BOLL: variants seen among roughly 807,000 people sequenced by gnomAD.
The protein encoded by BOLL is boule RNA binding protein.
BOLL carries 23 observed loss-of-function variants against 44.4 expected under a neutral mutation model. That is an observed-to-expected ratio of 0.52 (90% confidence interval 0.37 to 0.73). The LOEUF is 0.73. Ranked by LOEUF, BOLL falls within the 30% of genes least tolerant of loss-of-function variation. The pLI, the probability that BOLL is intolerant of heterozygous loss-of-function variation, is 0.00. For synonymous variants in BOLL, 97 were observed against 110.8 expected (o/e 0.88, Z 0.78); for missense variants, 287 against 338.3 (o/e 0.85, Z 1.19).
rs913303236 is a variant in BOLL, at chr2:197,777,255, A to T, written c.222-142T>A. 5 of 436,808 alleles carry T rather than the reference A, an allele frequency of 1.1e-5. No homozygotes were observed. In the Admixed American group the frequency reaches 2.1e-4, roughly 18 times the overall value. The allele number at this position is 436,808 out of a possible 1,614,324, so 27.1% of individuals were successfully genotyped here. The stretch of plus-strand genomic sequence containing the variant: ...GTTTCTATGCTGCACTAGCATGGGA[A>T]TCTTAGAAGAATCATTCACAGCCTA... On this transcript the variant is annotated intron_variant, in intron 3 of 10. Coordinates refer to ENST00000392296, the MANE Select transcript of BOLL (RefSeq NM_033030.6).
At chr2:197,759,936 G>T (rs1209215042) in intron 7 of BOLL, among the ~76,000 whole-genome samples, 1 of 152,120 alleles carries the variant, frequency 6.6e-6, no homozygotes, top group Non-Finnish European at 1.5e-5. Flanking sequence ...CAGCTCCGGG[G>T]ACTGCCACTG....
rs1320915517 is a variant in BOLL, at chr2:197,756,489, A to G, written c.668T>C (p.Ile223Thr). The G allele has an allele frequency of 2.5e-6, 4 of 1,612,816 alleles. No homozygotes were observed. Among genetic ancestry groups the G allele is most frequent in the Non-Finnish European group, 2.5e-6 (3 of 1,179,242 alleles). Residue 223 changes from isoleucine (I) to threonine (T), a missense_variant, in exon 9 of 11, where the codon ATT becomes ACT. Physicochemically the swap from Ile to Thr is moderately conservative, Grantham distance 89. Transcript: ENST00000392296. ...AGGAACACATCCACCATCCTGTGCA[A>G]TTTCCACTGGTTGATAAATAACCTC... Reference protein sequence around the residue: ...PSEVIYQPVEIAQDGGCVPPP... With the variant: ...PSEVIYQPVETAQDGGCVPPP...
At chr2:197,761,201 G>A (rs938457310) in intron 7 of BOLL, among the ~76,000 whole-genome samples, 5 of 152,232 alleles carry the variant, frequency 3.3e-5, no homozygotes, top group African/African-American at 1.2e-4. Context: ...TCTCAGCTGT[G>A]TGGCAGGCTA....
In BOLL at chr2:197,727,361, C is replaced by T. The variant is rs546904558; in HGVS notation, c.*1194G>A. The T allele has an allele frequency of 1.2e-3, 190 of 152,372 alleles. 1 individual carries two copies. Among genetic ancestry groups the T allele is most frequent in the Non-Finnish European group, 2.5e-3 (168 of 68,000 alleles). 9.4% of individuals were successfully genotyped at this position (152,372 alleles called of 1,614,324 possible). ...GGTAATACCAACTTTTATGGCTCCC[C>T]CTGCCCCCTCCACCTAAAATTAGGA... is the stretch of plus-strand genomic sequence containing the variant. On this transcript the variant is annotated 3_prime_UTR_variant, in exon 11 of 11. Coordinates refer to ENST00000392296, the MANE Select transcript of BOLL (RefSeq NM_033030.6).
At chr2:197,771,352 T>TG (rs1303343504) in intron 6 of BOLL, among the ~76,000 whole-genome samples, 3 of 67,974 alleles carry the variant, frequency 4.4e-5, no homozygotes, top group African/African-American at 1.2e-4. Context: ...TGTTGTGGGG[T>TG]GGGGGGAGGG....
Position 197,727,110 on chromosome 2 carries a change from T to G in BOLL, c.*1445A>C, listed in dbSNP as rs1686880875. 1.3e-5 allele frequency: 2 copies of G among 152,416 alleles called. No individual in the cohort carries two copies. The highest frequency in any genetic ancestry group is 2.9e-5 in the Non-Finnish European group (2 of 68,048). The allele number at this position is 152,416 out of a possible 1,614,324, so 9.4% of individuals were successfully genotyped here. A position where few individuals can be genotyped will look rare whatever the true frequency, so the allele number is the denominator to read the frequency against. ...TTTACATTCCTAAAACTGAGAATAATTAATGTATTTGAGATCCTTGTATGC... is the reference window on the plus strand; with the variant it reads ...TTTACATTCCTAAAACTGAGAATAAGTAATGTATTTGAGATCCTTGTATGC... On this transcript the variant is annotated 3_prime_UTR_variant, in exon 11 of 11. Coordinates refer to ENST00000392296, the MANE Select transcript of BOLL (RefSeq NM_033030.6).
At chr2:197,754,890 T>C (rs1185206211) in intron 9 of BOLL, among the ~76,000 whole-genome samples, 1 of 151,856 alleles carries the variant, frequency 6.6e-6, no homozygotes, top group Non-Finnish European at 1.5e-5. Context: ...AAGCAAAAAT[T>C]GACAAATGGG....
upstream of BOLL, chr2:197,786,004 C>A (rs778933635): frequency 6.8e-6 from 11 of 1,612,398 alleles, no homozygotes; most frequent in South Asian, 4.4e-5. This position sits in a 1 kb window ranked among gnomAD's most constrained non-coding sequence, Gnocchi z 5.9. Context: ...CGGTTTCCAT[C>A]TTCCTCTCTG....
chr2:197,786,036 G>T, upstream of BOLL: 2 of 1,607,872 alleles, frequency 1.2e-6, no homozygotes. The surrounding 1 kb of genome is among the most constrained non-coding windows in gnomAD (Gnocchi z 5.9). Flanking sequence ...CGCGGGGTAG[G>T]GAAAAGAAGC....
chr2:197,773,276 T>C (rs960162877), intron 5 of BOLL, among the ~76,000 whole-genome samples: 1 of 151,812 alleles, frequency 6.6e-6, no homozygotes. Context: ...AATGGTTCAT[T>C]ATTCAAAGAA....
At chr2:197,731,771 G>A (rs1412776380) in intron 10 of BOLL, among the ~76,000 whole-genome samples, 3,619 of 151,004 alleles carry the variant, frequency 0.024, 123 homozygotes, top group African/African-American at 0.084. Context: ...ACCAACGAGA[G>A]CAAAGACACA....
chr2:197,774,747 A>G (rs1689431296), intron 5 of BOLL: 1 of 151,964 alleles, frequency 6.6e-6, no homozygotes, highest in Non-Finnish European at 1.5e-5. Context: ...TCCATTTTGT[A>G]TTAACCTACT....
chr2:197,763,771 A>G (rs576217252), intron 7 of BOLL, among the ~76,000 whole-genome samples: 1 of 152,334 alleles, frequency 6.6e-6, no homozygotes, highest in South Asian at 2.1e-4. Context: ...GGGAGAAAAC[A>G]TCTGTAAACT....
At chr2:197,751,083 G>A (rs1451225359) in intron 9 of BOLL, among the ~76,000 whole-genome samples, 1 of 151,950 alleles carries the variant, frequency 6.6e-6, no homozygotes, top group Non-Finnish European at 1.5e-5. Flanking sequence ...GAAATAAATA[G>A]GTTCTTTGAA....
intron 4 of BOLL, among the ~76,000 whole-genome samples, chr2:197,775,946 G>A (rs1689489760): frequency 6.6e-6 from 1 of 151,812 alleles, no homozygotes; most frequent in Non-Finnish European, 1.5e-5. Context: ...TTGTAATACA[G>A]TCAATCCTCA....
chr2:197,749,097 G>T (rs751694088), intron 9 of BOLL, among the ~76,000 whole-genome samples: 1 of 152,254 alleles, frequency 6.6e-6, no homozygotes, highest in Non-Finnish European at 1.5e-5. Flanking sequence ...GGCAAACAGG[G>T]TCTGGGGTGG....
At chr2:197,774,806 A>C (rs1689433759) in intron 5 of BOLL, 1 of 151,992 alleles carries the variant, frequency 6.6e-6, no homozygotes, top group African/African-American at 2.4e-5. Context: ...AGTCAAAATT[A>C]AACTTAATAT....
chr2:197,774,412 T>C (rs568157460), intron 5 of BOLL: 16 of 152,412 alleles, frequency 1.0e-4, no homozygotes, highest in East Asian at 5.8e-4. Flanking sequence ...ACAATGACTT[T>C]ATCTTTTTGG....
intron 10 of BOLL, 71 bp downstream of exon 10, chr2:197,742,990 G>T: frequency 1.6e-6 from 2 of 1,225,180 alleles, no homozygotes; most frequent in Non-Finnish European, 2.2e-6. Context: ...TTCCTTTCTA[G>T]AAGAGAAAGT....
Sources: gnomAD v4.1 joint callset for allele counts (sites outside exome capture counted in the v4.1 genomes callset) on GRCh38, gnomAD v4.1.1 for gene constraint, Gnocchi (gnomAD v3.1) non-coding constraint, MANE v1.5 for transcripts, NCBI Gene and HGNC (gene_info 2026-07-23, HGNC 2026-07-21) for gene names.